Variants in ANGPTL3 observed in about 807,000 individuals in gnomAD.
ANGPTL3 encodes the protein angiopoietin-related protein 3.
Under a neutral mutation model 52.7 loss-of-function variants are expected in ANGPTL3, and 51 were observed. The observed-to-expected ratio is 0.97, with a 90% confidence interval of 0.77 to 1.22. The LOEUF (loss-of-function observed/expected upper bound fraction) is 1.22. ANGPTL3 is among the 50% of genes most tolerant of loss of function. ANGPTL3 has a pLI of 0.00. For missense variants in ANGPTL3, 506 were observed against 520.7 expected, an observed-to-expected ratio of 0.97 and a Z score of 0.27; for synonymous variants, 185 against 179.8, an observed-to-expected ratio of 1.03 and a Z score of -0.23.
At chr1:62,598,113 T>TA (rs774491580) in intron 1 of ANGPTL3, 52 bp downstream of exon 1, 26 of 1,470,686 alleles carry the variant, frequency 1.8e-5, no homozygotes, top group East Asian at 4.8e-5. Flanking sequence ...GTGGATCTTT[T>TA]AAAAAAAATA....
At chr1:62,601,956 T>A in intron 4 of ANGPTL3, 74 bp downstream of exon 4, 1 of 876,996 alleles carries the variant, frequency 1.1e-6, no homozygotes, top group Non-Finnish European at 1.9e-6. Flanking sequence ...ATTAACCTGG[T>A]TATCATTGTT....
chr1:62,604,563 A>G (rs1650664735), intron 6 of ANGPTL3, 70 bp from the exon 7 acceptor site: 2 of 1,468,486 alleles, frequency 1.4e-6, no homozygotes, highest in African/African-American at 2.8e-5. Flanking sequence ...AGATAAACTT[A>G]CGGGGAAATA....
At position 62,604,987 on chromosome 1, in the gene ANGPTL3, A is replaced by G. The variant is rs1203459764; in HGVS notation, c.*170A>G. 4 of 647,690 alleles carry G rather than the reference A, an allele frequency of 6.2e-6. No homozygotes were observed. Among genetic ancestry groups the G allele is most frequent in the Non-Finnish European group, 1.0e-5 (4 of 385,182 alleles). 40.1% of individuals were successfully genotyped at this position (647,690 alleles called of 1,614,324 possible). A position where few individuals can be genotyped will look rare whatever the true frequency, so the allele number is the denominator to read the frequency against. The stretch of plus-strand genomic sequence containing the variant: ...ACATACAATCACATAACCTTAAAGA[A>G]TACCGTTTACATTTCTCAATCAAAA... On this transcript the variant is annotated 3_prime_UTR_variant, in exon 7 of 7. Coordinates refer to ENST00000371129, the MANE Select transcript of ANGPTL3 (RefSeq NM_014495.4).
Position 62,597,851 on chromosome 1 carries a change from A to G in ANGPTL3, c.285A>G (p.Glu95=), listed in dbSNP as rs1396624369. ...LSLQTSEIKE[E]EKELRRTTYK... The stretch of plus-strand genomic sequence containing the variant: ...TGCAAACCAGTGAAATCAAAGAAGA[A>G]GAAAAGGAACTGAGAAGAACTACAT... The change falls in exon 1 of 7, where the codon GAA becomes GAG. Residue 95 remains glutamate, a synonymous_variant. Transcript: ENST00000371129. 4 of 1,604,686 alleles carry G rather than the reference A, an allele frequency of 2.5e-6. No individual in the cohort carries two copies. The highest frequency in any genetic ancestry group is 1.3e-5 in the African/African-American group (1 of 74,466).
chr1:62,597,537 C>T lies in ANGPTL3; in HGVS notation c.-30C>T, dbSNP rs769920975. The T allele has an allele frequency of 3.3e-5, 53 of 1,610,554 alleles. No individual in the cohort carries two copies. Among genetic ancestry groups the T allele is most frequent in the South Asian group, 2.1e-4 (19 of 90,554 alleles). ...CTGCTTCCAGAAGAAAACAGTTCCA[C>T]GTTGCTTGAAATTGAAAATCAAGAT... On this transcript the variant is annotated 5_prime_UTR_variant, in exon 1 of 7. The change creates a new upstream start codon in the 5' untranslated region. Coordinates refer to ENST00000371129, the MANE Select transcript of ANGPTL3 (RefSeq NM_014495.4).
intron 4 of ANGPTL3, 151 bp downstream of exon 4, chr1:62,602,033 T>C (rs1650204378): frequency 1.6e-6 from 1 of 615,988 alleles, no homozygotes; most frequent in African/African-American, 1.8e-5. Context: ...CTTGTTTATG[T>C]ATTTACTCAA....
Position 62,598,713 on chromosome 1 carries a change from A to C in ANGPTL3, c.513A>C (p.Gln171His), listed in dbSNP as rs1299472334. 1 of 1,608,550 alleles carries C rather than the reference A, an allele frequency of 6.2e-7. No individual in the cohort carries two copies. Among genetic ancestry groups the C allele is most frequent in the Non-Finnish European group, 8.5e-7 (1 of 1,175,572 alleles). ...VTSLKTFVEK[Q>H]DNSIKDLLQT... ...ATATCCAGACTTTTGTAGAAAAACAAGATAATAGCATCAAAGACCTTCTCC... is the reference window on the plus strand; with the variant it reads ...ATATCCAGACTTTTGTAGAAAAACACGATAATAGCATCAAAGACCTTCTCC... The change falls in exon 2 of 7, where the codon CAA (glutamine) becomes CAC (histidine). Residue 171 changes from glutamine to histidine, a missense_variant. Physicochemically the swap from Gln to His is conservative, Grantham distance 24. Transcript: ENST00000371129.
Position 62,597,660 on chromosome 1 carries a change from G to C in ANGPTL3, c.94G>C (p.Glu32Gln), listed in dbSNP as rs746416387. The change falls in exon 1 of 7, where the codon GAG (glutamate) becomes CAG (glutamine). Residue 32 changes from glutamate (E) to glutamine (Q), a missense_variant. Glu to Gln is a conservative substitution (Grantham distance 29, BLOSUM62 2). Transcript: ENST00000371129. The part of the protein sequence containing the change: ...DNSSFDSLSP[E>Q]PKSRFAMLDD... Reference sequence around the variant, plus strand: ...TTCATCATTTGATTCTCTATCTCCAGAGCCAAAATCAAGATTTGCTATGTT... The same window carrying C: ...TTCATCATTTGATTCTCTATCTCCACAGCCAAAATCAAGATTTGCTATGTT... 6.8e-6 allele frequency: 11 copies of C among 1,613,254 alleles called. No homozygotes were observed. Among genetic ancestry groups the C allele is most frequent in the Non-Finnish European group, 9.3e-6 (11 of 1,179,656 alleles).
chr1:62,600,020 C>A (rs1397101076), intron 2 of ANGPTL3, among the ~76,000 whole-genome samples: 1 of 151,784 alleles, frequency 6.6e-6, no homozygotes, highest in Non-Finnish European at 1.5e-5. Context: ...TACCAATTTC[C>A]ACTAAACAAA....
chr1:62,601,502 C>G lies in ANGPTL3; in HGVS notation c.722-267C>G, dbSNP rs527277163. Among the ~76,000 whole-genome samples the G allele has an allele frequency of 3.3e-5, 5 of 151,670 alleles. No individual in the cohort carries two copies. In the East Asian group the frequency reaches 9.7e-4, roughly 29 times the overall value. On this transcript the variant is annotated intron_variant, in intron 3 of 6. Transcript: ENST00000371129. ...TAAGAGATACATGCTGAAATATTTACGGAGTTAAAGGTCACTGGACTCCAG... is the reference window on the plus strand; with the variant it reads ...TAAGAGATACATGCTGAAATATTTAGGGAGTTAAAGGTCACTGGACTCCAG...
Position 62,597,573 on chromosome 1 carries a change from A to G in ANGPTL3, c.7A>G (p.Thr3Ala), listed in dbSNP as rs1649443987. 6.2e-7 allele frequency: 1 copy of G among 1,612,406 alleles called. No homozygotes were observed. The highest frequency in any genetic ancestry group is 8.5e-7 in the Non-Finnish European group (1 of 1,179,270). Reference sequence around the variant, plus strand: ...ATTGAAAATCAAGATAAAAATGTTCACAATTAAGCTCCTTCTTTTTATTGT... The same window carrying G: ...ATTGAAAATCAAGATAAAAATGTTCGCAATTAAGCTCCTTCTTTTTATTGT... MF[T>A]IKLLLFIVPL... The change falls in exon 1 of 7, where the codon ACA becomes GCA. Residue 3 changes from threonine to alanine, a missense_variant. Physicochemically the swap from Thr to Ala is moderately conservative, Grantham distance 58 (BLOSUM62 0). Coordinates refer to ENST00000371129, the MANE Select transcript of ANGPTL3 (RefSeq NM_014495.4).
At chr1:62,601,944 A>G (rs1650188731) in intron 4 of ANGPTL3, 62 bp downstream of exon 4, 1 of 992,222 alleles carries the variant, frequency 1.0e-6, no homozygotes, top group Non-Finnish European at 1.6e-6. Context: ...CGTATTAGGA[A>G]GATTAACCTG....
At chr1:62,603,175 G>C (rs1650408421) in intron 5 of ANGPTL3, among the ~76,000 whole-genome samples, 1 of 151,642 alleles carries the variant, frequency 6.6e-6, no homozygotes, top group Non-Finnish European at 1.5e-5. Flanking sequence ...AAAATAAAAG[G>C]CTGACAGGTA....
At chr1:62,603,711 G>C (rs1650499924) in intron 5 of ANGPTL3, among the ~76,000 whole-genome samples, 1 of 151,768 alleles carries the variant, frequency 6.6e-6, no homozygotes, top group South Asian at 2.1e-4. Context: ...CATTTCACTG[G>C]TGAAACATGT....
chr1:62,601,236 T>C (rs1449682557), intron 3 of ANGPTL3, 40 bp downstream of exon 3: 6 of 1,318,504 alleles, frequency 4.6e-6, no homozygotes, highest in Non-Finnish European at 4.4e-6. Context: ...AAGCTATTAT[T>C]ATCAAATTCC....
At chr1:62,598,991 T>C (rs1365189563) in intron 2 of ANGPTL3, among the ~76,000 whole-genome samples, 185 bp downstream of exon 2, 1 of 152,084 alleles carries the variant, frequency 6.6e-6, no homozygotes, top group Non-Finnish European at 1.5e-5. Context: ...TAAAACTTTG[T>C]GTGACCTTGA....
At position 62,597,546 on chromosome 1, in the gene ANGPTL3, A is replaced by G. The variant is rs1649440292; in HGVS notation, c.-21A>G. ...GAAGAAAACAGTTCCACGTTGCTTG[A>G]AATTGAAAATCAAGATAAAAATGTT... On this transcript the variant is annotated 5_prime_UTR_variant, in exon 1 of 7. Coordinates refer to ENST00000371129, the MANE Select transcript of ANGPTL3 (RefSeq NM_014495.4). 3 of 1,611,826 alleles carry G rather than the reference A, an allele frequency of 1.9e-6. No individual in the cohort carries two copies. Among genetic ancestry groups the G allele is most frequent in the Non-Finnish European group, 2.5e-6 (3 of 1,178,870 alleles).
intron 5 of ANGPTL3, among the ~76,000 whole-genome samples, chr1:62,602,840 A>G (rs1272787161): frequency 6.6e-6 from 1 of 151,646 alleles, no homozygotes; most frequent in Non-Finnish European, 1.5e-5. Context: ...TCAATTATTT[A>G]AATATAATAT....
Position 62,598,770 on chromosome 1 carries a change from C to A in ANGPTL3, c.570C>A (p.Asn190Lys). Reference sequence around the variant, plus strand: ...TGGAAGACCAATATAAACAATTAAACCAACAGCATAGTCAAATAAAAGAAA... The same window carrying A: ...TGGAAGACCAATATAAACAATTAAAACAACAGCATAGTCAAATAAAAGAAA... The part of the protein sequence containing the change: ...QTVEDQYKQL[N>K]QQHSQIKEIE... Residue 190 changes from asparagine (N) to lysine (K), a missense_variant, in exon 2 of 7, where the codon AAC (asparagine) becomes AAA (lysine). Transcript: ENST00000371129. 1 of 1,608,894 alleles carries A rather than the reference C, an allele frequency of 6.2e-7. No individual in the cohort carries two copies. The highest frequency in any genetic ancestry group is 8.5e-7 in the Non-Finnish European group (1 of 1,175,822).
Sources: gnomAD v4.1 joint callset for allele counts (sites outside exome capture counted in the v4.1 genomes callset) on GRCh38, gnomAD v4.1.1 for gene constraint, MANE v1.5 for transcripts, NCBI Gene and HGNC (gene_info 2026-07-23, HGNC 2026-07-21) for gene names.